The following RBFOX1 variants were observed in gnomAD, a reference collection of about 807,000 sequenced individuals.
RBFOX1 encodes RNA binding fox-1 homolog 1.
RBFOX1 carries 8 observed loss-of-function variants against 57.7 expected under a neutral mutation model. The observed-to-expected ratio is 0.14, with a 90% CI of 0.08 to 0.25. The LOEUF is 0.25. RBFOX1 is among the 10% of genes least tolerant of loss of function. The pLI is 1.00. For missense variants in RBFOX1, 611 were observed against 548.5 expected, an observed-to-expected ratio of 1.11 and a Z score of -1.14; for synonymous variants, 326 against 222.4, an observed-to-expected ratio of 1.47 and a Z score of -4.15.
At chr16:7,600,906 A>ATT (rs2094978510) in intron 9 of RBFOX1, among the ~76,000 whole-genome samples, 2 of 152,226 alleles carry the variant, frequency 1.3e-5, no homozygotes, top group African/African-American at 2.4e-5. Flanking sequence ...AGGCTTCTGG[A>ATT]CATTCTATTA....
At chr16:6,552,001 G>C (rs1379845440) in intron 2 of RBFOX1, among the ~76,000 whole-genome samples, 3 of 152,190 alleles carry the variant, frequency 2.0e-5, no homozygotes, top group African/African-American at 7.2e-5. Flanking sequence ...AGTCAATTCA[G>C]AACATCTATT....
chr16:7,254,484 GTCTC>G (rs921297292), intron 4 of RBFOX1, among the ~76,000 whole-genome samples: 2 of 135,996 alleles, frequency 1.5e-5, no homozygotes, highest in Non-Finnish European at 3.2e-5. Flanking sequence ...TCATGTTCCT[GTCTC>G]TCTCTCTCTC....
intron 4 of RBFOX1, among the ~76,000 whole-genome samples, chr16:7,428,991 G>T: frequency 6.6e-6 from 1 of 152,136 alleles, no homozygotes; most frequent in Non-Finnish European, 1.5e-5. Context: ...CAACAGACAG[G>T]AGGATTTCTA....
intron 1 of RBFOX1, among the ~76,000 whole-genome samples, chr16:5,380,649 C>G (rs898416511): frequency 2.6e-5 from 4 of 152,142 alleles, no homozygotes; most frequent in Admixed American, 1.3e-4. Context: ...ACATTTCATC[C>G]TTAAACAGAT....
chr16:7,699,486 C>T (rs916904960), intron 14 of RBFOX1, among the ~76,000 whole-genome samples: 2 of 152,184 alleles, frequency 1.3e-5, no homozygotes, highest in Non-Finnish European at 2.9e-5. Context: ...GCCCACCACA[C>T]CCAGCCAACG....
intron 1 of RBFOX1, among the ~76,000 whole-genome samples, chr16:6,298,859 G>T (rs1276565091): frequency 6.6e-6 from 1 of 152,252 alleles, no homozygotes; most frequent in Non-Finnish European, 1.5e-5. Flanking sequence ...GGAAAATTTG[G>T]AATTATAGCC....
chr16:7,394,539 C>A (rs969913757), intron 4 of RBFOX1, among the ~76,000 whole-genome samples: 4 of 152,136 alleles, frequency 2.6e-5, no homozygotes, highest in African/African-American at 9.7e-5. Flanking sequence ...ACCTGTACTT[C>A]CCATCTTCTT....
chr16:5,915,491 A>G (rs1190889459), intron 4 of RBFOX1, among the ~76,000 whole-genome samples: 1 of 152,198 alleles, frequency 6.6e-6, no homozygotes, highest in Non-Finnish European at 1.5e-5. Context: ...ATGAGACGGC[A>G]GGGTTCCTTC....
rs191662460 is a variant in RBFOX1 at position 6,446,038 on chromosome 16, C to G, written c.-64+128981C>G. Among the ~76,000 whole-genome samples the G allele has an allele frequency of 2.9e-3, 439 of 152,238 alleles. 1 individual carries two copies. Among genetic ancestry groups the G allele is most frequent in the Non-Finnish European group, 4.7e-3 (323 of 68,028 alleles). ...GGAGCGCACTGGCGTGATTATAGCTCACTTCAGCCTTCAACTTCTGGGCTC... is the reference window on the plus strand; with the variant it reads ...GGAGCGCACTGGCGTGATTATAGCTGACTTCAGCCTTCAACTTCTGGGCTC... On this transcript the variant is annotated intron_variant, in intron 2 of 15. Transcript: ENST00000550418.
rs147891833 is a variant in RBFOX1, at chr16:7,122,021, T to A, written c.27+69923T>A. 1.1e-3 allele frequency among the ~76,000 whole-genome samples: 165 copies of A among 152,138 alleles called. 1 individual carries two copies. The highest frequency in any genetic ancestry group is 3.9e-3 in the African/African-American group (162 of 41,550). On this transcript the variant is annotated intron_variant, in intron 4 of 15. Transcript: ENST00000550418. The stretch of plus-strand genomic sequence containing the variant: ...AAATTAACTCAAAATGGATCATAGA[T>A]CTAAATATAAAACGTAGAACTGTAA...
chr16:6,134,060 C>G (rs2096648680), intron 1 of RBFOX1, among the ~76,000 whole-genome samples: 1 of 151,968 alleles, frequency 6.6e-6, no homozygotes, highest in East Asian at 1.9e-4. Context: ...CCTCAGCCCC[C>G]CAGGTAACTG....
At chr16:5,703,462 A>G (rs977691227) in intron 3 of RBFOX1, among the ~76,000 whole-genome samples, 4 of 152,196 alleles carry the variant, frequency 2.6e-5, no homozygotes, top group Admixed American at 1.3e-4. Context: ...TGGGAGTGGC[A>G]TGAGGCGAAG....
chr16:7,337,135 A>G (rs1473740977), intron 4 of RBFOX1, among the ~76,000 whole-genome samples: 2 of 152,150 alleles, frequency 1.3e-5, no homozygotes, highest in East Asian at 3.8e-4. Context: ...TAAAACCTAC[A>G]CTTAGACAAA....
At chr16:6,902,419 G>C (rs1056931764) in intron 3 of RBFOX1, among the ~76,000 whole-genome samples, 3 of 152,162 alleles carry the variant, frequency 2.0e-5, no homozygotes, top group African/African-American at 7.2e-5. Context: ...ATACTCAGAA[G>C]ACCCAAGAGG....
chr16:5,779,899 A>G (rs1037215020), intron 3 of RBFOX1, among the ~76,000 whole-genome samples: 3 of 152,236 alleles, frequency 2.0e-5, no homozygotes, highest in African/African-American at 7.2e-5. Context: ...TGTAAAATAA[A>G]TGGAGATGGT....
At chr16:5,990,556 T>G (rs1197370331) in intron 4 of RBFOX1, among the ~76,000 whole-genome samples, 1 of 152,156 alleles carries the variant, frequency 6.6e-6, no homozygotes, top group Non-Finnish European at 1.5e-5. Context: ...CTGTGGGTTA[T>G]AAAAATAGGA....
intron 3 of RBFOX1, among the ~76,000 whole-genome samples, chr16:6,972,766 G>A (rs1335484898): frequency 6.6e-6 from 1 of 152,084 alleles, no homozygotes; most frequent in Non-Finnish European, 1.5e-5. Context: ...AAGGGAGGCT[G>A]GGTAGATTTG....
intron 4 of RBFOX1, among the ~76,000 whole-genome samples, chr16:7,092,702 G>A (rs751368314): frequency 6.6e-5 from 10 of 152,142 alleles, no homozygotes; most frequent in East Asian, 3.9e-4. Flanking sequence ...CTTGGGGGAC[G>A]CACAGTTAAG....
At chr16:6,546,741 T>G (rs959795935) in intron 2 of RBFOX1, among the ~76,000 whole-genome samples, 1 of 152,210 alleles carries the variant, frequency 6.6e-6, no homozygotes, top group Non-Finnish European at 1.5e-5. Flanking sequence ...TTTATCTGTC[T>G]TTTTGAGGGG....
Sources: allele counts gnomAD v4.1 joint callset (sites outside exome capture counted in the v4.1 genomes callset), GRCh38; gene constraint gnomAD v4.1.1; transcripts MANE v1.5; gene names NCBI Gene and HGNC (gene_info 2026-07-23, HGNC 2026-07-21).